The following ANK3 variants were observed in gnomAD, a reference collection of about 807,000 sequenced individuals.
ANK3 encodes ankyrin 3.
A neutral mutation model predicts 370.9 loss-of-function variants in ANK3; 57 were observed. The observed-to-expected ratio is 0.15, with a 90% CI of 0.12 to 0.19. The LOEUF is 0.19. ANK3 is among the 10% of genes least tolerant of loss of function. The pLI is 1.00. For missense variants in ANK3, 4,439 were observed against 5,302.1 expected, an observed-to-expected ratio of 0.84 and a Z score of 5.06; for synonymous variants, 1,929 against 1,946.3, an observed-to-expected ratio of 0.99 and a Z score of 0.23.
chr10:60,038,620 A>G (rs2131853829), intron 43 of ANK3, among the ~76,000 whole-genome samples: 1 of 152,328 alleles, frequency 6.6e-6, no homozygotes, highest in Non-Finnish European at 1.5e-5. Context: ...GAGCATCTAT[A>G]AGGAATTTAA....
intron 2 of ANK3, among the ~76,000 whole-genome samples, chr10:60,474,740 T>G (rs1038095348): frequency 2.0e-5 from 3 of 152,128 alleles, no homozygotes; most frequent in Non-Finnish European, 4.4e-5. Flanking sequence ...CATATGCAAG[T>G]CTATTTGTTT....
intron 2 of ANK3, among the ~76,000 whole-genome samples, chr10:60,567,321 T>C (rs2077487223): frequency 6.6e-6 from 1 of 152,138 alleles, no homozygotes; most frequent in African/African-American, 2.4e-5. Context: ...ACTCTAAAAA[T>C]CCTAGAGTCC....
At chr10:60,571,389 A>G (rs2077595906) in intron 2 of ANK3, among the ~76,000 whole-genome samples, 1 of 152,148 alleles carries the variant, frequency 6.6e-6, no homozygotes, top group Non-Finnish European at 1.5e-5. Context: ...ATTTTTTTAA[A>G]CGCCTGATAT....
chr10:60,347,653 T>C (rs927960910), intron 1 of ANK3, among the ~76,000 whole-genome samples: 4 of 152,142 alleles, frequency 2.6e-5, no homozygotes. Flanking sequence ...AGTTCCAAAT[T>C]GGTGAATTGA....
intron 1 of ANK3, among the ~76,000 whole-genome samples, chr10:60,720,978 C>T (rs1412629209): frequency 6.6e-6 from 1 of 152,056 alleles, no homozygotes; most frequent in Non-Finnish European, 1.5e-5. Context: ...TACCATCCAA[C>T]CAAGCATTTT....
At chr10:60,290,906 T>C (rs1335864567) in intron 1 of ANK3, among the ~76,000 whole-genome samples, 2 of 152,200 alleles carry the variant, frequency 1.3e-5, no homozygotes, top group Non-Finnish European at 2.9e-5. Flanking sequence ...GGCAGTGTTT[T>C]CAAGAGATTT....
chr10:60,103,135 G>C (rs2091584278), intron 28 of ANK3, among the ~76,000 whole-genome samples: 1 of 152,004 alleles, frequency 6.6e-6, no homozygotes, highest in East Asian at 1.9e-4. Flanking sequence ...ATTTTTAGTA[G>C]AGACGGGGGT....
At chr10:60,385,187 C>T (rs886530326) in intron 1 of ANK3, among the ~76,000 whole-genome samples, 7 of 152,086 alleles carry the variant, frequency 4.6e-5, no homozygotes, top group African/African-American at 1.7e-4. Context: ...ACTTTTCGTG[C>T]CACACACTCA....
At chr10:60,348,189 A>G (rs1349936151) in intron 1 of ANK3, among the ~76,000 whole-genome samples, 1 of 152,024 alleles carries the variant, frequency 6.6e-6, no homozygotes, top group Non-Finnish European at 1.5e-5. Flanking sequence ...TGCCTCTGCT[A>G]TTTCATACCA....
chr10:60,420,233 C>T (rs1594993025), intron 2 of ANK3, among the ~76,000 whole-genome samples: 1 of 152,006 alleles, frequency 6.6e-6, no homozygotes, highest in Non-Finnish European at 1.5e-5. Flanking sequence ...TTTTATCACC[C>T]AATTTATTAA....
At chr10:60,127,042 G>A (rs765211791) in intron 25 of ANK3, among the ~76,000 whole-genome samples, 2 of 152,156 alleles carry the variant, frequency 1.3e-5, no homozygotes, top group Non-Finnish European at 2.9e-5. Flanking sequence ...CTTCAAGGTC[G>A]GTTGAATCCA....
intron 35 of ANK3, chr10:60,081,681 G>A (rs568391859): frequency 1.9e-5 from 6 of 322,064 alleles, no homozygotes; most frequent in South Asian, 1.6e-4. Context: ...TAACATGCTG[G>A]ATAGTAGGAT....
At chr10:60,054,839 A>C (rs894462296) in intron 42 of ANK3, among the ~76,000 whole-genome samples, 8 of 152,242 alleles carry the variant, frequency 5.3e-5, no homozygotes, top group Admixed American at 1.3e-4. Context: ...AAAAGACATA[A>C]AAATTGGGAG....
chr10:60,151,924 A>G (rs755772993), intron 23 of ANK3, among the ~76,000 whole-genome samples: 4 of 152,220 alleles, frequency 2.6e-5, no homozygotes, highest in Non-Finnish European at 5.9e-5. Flanking sequence ...AATGGCTCCA[A>G]TTTAATCATT....
At chr10:60,515,941 T>C (rs1342959433) in intron 2 of ANK3, among the ~76,000 whole-genome samples, 1 of 152,114 alleles carries the variant, frequency 6.6e-6, no homozygotes, top group Non-Finnish European at 1.5e-5. Context: ...TCTCTTATAA[T>C]CCAGAGCTTG....
chr10:60,169,491 T>G (rs1007725236), intron 21 of ANK3, among the ~76,000 whole-genome samples: 2 of 151,798 alleles, frequency 1.3e-5, no homozygotes, highest in African/African-American at 2.4e-5. Context: ...GACTTATCAT[T>G]GTTGATGTTG....
chr10:60,558,476 T>C (rs2077259673), intron 2 of ANK3, among the ~76,000 whole-genome samples: 1 of 152,174 alleles, frequency 6.6e-6, no homozygotes, highest in African/African-American at 2.4e-5. Flanking sequence ...TACCTCTTGC[T>C]ACTATTACAT....
intron 23 of ANK3, 32 bp downstream of exon 23, chr10:60,166,556 AGTT>A: frequency 1.3e-6 from 2 of 1,500,836 alleles, no homozygotes; most frequent in Non-Finnish European, 1.9e-6. Flanking sequence ...AGTTGGTAGT[AGTT>A]AAGTTTCATC....
intron 18 of ANK3, among the ~76,000 whole-genome samples, chr10:60,176,719 A>G (rs1008643048): frequency 4.6e-5 from 7 of 152,256 alleles, no homozygotes; most frequent in Admixed American, 4.6e-4. Context: ...AGATCACACA[A>G]CTGCACTCCA....
Sources: allele counts gnomAD v4.1 joint callset (sites outside exome capture counted in the v4.1 genomes callset), GRCh38; gene constraint gnomAD v4.1.1; transcripts MANE v1.5; gene names NCBI Gene and HGNC (gene_info 2026-07-23, HGNC 2026-07-21).